Variants in RGMB observed in about 807,000 individuals in gnomAD.
The protein encoded by RGMB is repulsive guidance molecule B.
RGMB carries 16 observed loss-of-function variants against 26.9 expected under a neutral mutation model. That is an observed-to-expected ratio of 0.60 (90% CI 0.40 to 0.90). The LOEUF (loss-of-function observed/expected upper bound fraction) is 0.90. RGMB is among the 40% of genes least tolerant of loss of function. The probability of loss-of-function intolerance (pLI) is 0.00; values close to 1 mark genes in which losing one functional copy is unlikely to be tolerated. For synonymous variants in RGMB, 225 were observed against 229.3 expected (o/e 0.98, Z 0.17); for missense variants, 512 against 573.3 (o/e 0.89, Z 1.09).
At chr5:98,788,882 G>A (rs1383932262) in intron 2 of RGMB, among the ~76,000 whole-genome samples, 7 of 152,212 alleles carry the variant, frequency 4.6e-5, no homozygotes, top group African/African-American at 1.7e-4. Flanking sequence ...ATGTGCTCTT[G>A]TTGGAATGGT....
intron 1 of RGMB, among the ~76,000 whole-genome samples, chr5:98,776,811 G>T (rs1399129517): frequency 1.3e-5 from 2 of 152,240 alleles, no homozygotes; most frequent in African/African-American, 4.8e-5. Context: ...TTTAGGCCGG[G>T]CGCTGTGGCT....
upstream of RGMB, chr5:98,771,104 A>G (rs1413818467): frequency 6.3e-6 from 1 of 159,316 alleles, no homozygotes; most frequent in Non-Finnish European, 1.4e-5. Flanking sequence ...ATGTGTTTTA[A>G]TTCTGTCCAC....
At chr5:98,777,927 A>G (rs1746467770) in intron 1 of RGMB, among the ~76,000 whole-genome samples, 3 of 152,198 alleles carry the variant, frequency 2.0e-5, no homozygotes, top group South Asian at 4.1e-4. Context: ...AGCCTAGACT[A>G]TATAGTATTT....
intron 1 of RGMB, among the ~76,000 whole-genome samples, chr5:98,776,444 A>G (rs1481227491): frequency 2.0e-5 from 3 of 152,074 alleles, no homozygotes; most frequent in Non-Finnish European, 4.4e-5. Context: ...TTACTCATAC[A>G]CTTCATGGCC....
chr5:98,793,693 A>C lies in RGMB; in HGVS notation c.1254A>C (p.Gly418=). The change falls in exon 3 of 3, where the codon GGA becomes GGC. Residue 418 remains glycine (G), a synonymous_variant. Coordinates refer to ENST00000513185, the MANE Select transcript of RGMB (RefSeq NM_001366508.1). ...GCAGTGGCAATGGGACTCCCCGTGG[A>C]GGCAGTGATTTGTCTGTCAGTCTAG... The part of the protein sequence containing the change: ...FPSSGNGTPR[G]GSDLSVSLGL... The C allele has an allele frequency of 6.2e-7, 1 of 1,611,526 alleles. No homozygotes were observed. Among genetic ancestry groups the C allele is most frequent in the Non-Finnish European group, 8.5e-7 (1 of 1,178,790 alleles).
chr5:98,773,790 G>A lies in RGMB; in HGVS notation c.-281G>A, dbSNP rs996929877. ...GCGCTCGGGACTCGTCTCAGCAGTC[G>A]CTCACGGTCTTTGTGTCTTCTCTTC... On this transcript the variant is annotated 5_prime_UTR_variant, in exon 1 of 3. Coordinates refer to ENST00000513185, the MANE Select transcript of RGMB (RefSeq NM_001366508.1). 36 of 420,710 alleles carry A rather than the reference G, an allele frequency of 8.6e-5. No individual in the cohort carries two copies. The highest frequency in any genetic ancestry group is 2.3e-4 in the Admixed American group (5 of 22,066). The allele number at this position is 420,710 out of a possible 1,614,324, so 26.1% of individuals were successfully genotyped here.
intron 1 of RGMB, among the ~76,000 whole-genome samples, chr5:98,777,211 C>T (rs1190507424): frequency 1.3e-5 from 2 of 151,892 alleles, no homozygotes; most frequent in African/African-American, 2.4e-5. Context: ...CCATACTGTT[C>T]GTTTGATATT....
Position 98,796,213 on chromosome 5 carries a change from G to T in RGMB, c.*2460G>T, listed in dbSNP as rs1747115808. 1.3e-5 allele frequency: 2 copies of T among 152,282 alleles called. No individual in the cohort carries two copies. Among genetic ancestry groups the T allele is most frequent in the African/African-American group, 4.8e-5 (2 of 41,566 alleles). The allele number at this position is 152,282 out of a possible 1,614,324, so 9.4% of individuals were successfully genotyped here. ...CATACCAACATGTGGATAGGCTATA[G>T]CTGTTCAGAGGTCTCCTGGGGGAGC... is the stretch of plus-strand genomic sequence containing the variant. On this transcript the variant is annotated 3_prime_UTR_variant, in exon 3 of 3. Transcript: ENST00000513185.
chr5:98,772,892 A>G (rs1746215271), upstream of RGMB: 1 of 152,170 alleles, frequency 6.6e-6, no homozygotes, highest in South Asian at 2.1e-4. Flanking sequence ...TTACACTGTA[A>G]CCGAACGTTG....
chr5:98,793,664 C>T lies in RGMB; in HGVS notation c.1225C>T (p.Pro409Ser), dbSNP rs906291400. 6.2e-7 allele frequency: 1 copy of T among 1,613,884 alleles called. No homozygotes were observed. The highest frequency in any genetic ancestry group is 8.5e-7 in the Non-Finnish European group (1 of 1,179,832). The part of the protein sequence containing the change: ...HPRKERWHIF[P>S]SSGNGTPRGG... ...AAGGAAGGAACGCTGGCACATTTTC[C>T]CCAGCAGTGGCAATGGGACTCCCCG... Residue 409 changes from proline to serine, a missense_variant, in exon 3 of 3, where the codon CCC becomes TCC. Pro to Ser is a moderately conservative substitution (Grantham distance 74). Transcript: ENST00000513185.
intron 2 of RGMB, among the ~76,000 whole-genome samples, chr5:98,784,243 A>G (rs1746701720): frequency 6.6e-6 from 1 of 152,228 alleles, no homozygotes. Context: ...GGCAGCACTC[A>G]TCGCCTGTCC....
At position 98,794,631 on chromosome 5, in the gene RGMB, CTT is replaced by C. The variant is rs2112385875; in HGVS notation, c.*882_*883del. 1 of 152,276 alleles carries C rather than the reference CTT, an allele frequency of 6.6e-6. No individual in the cohort carries two copies. Among genetic ancestry groups the C allele is most frequent in the South Asian group, 2.1e-4 (1 of 4,828 alleles). 9.4% of individuals were successfully genotyped at this position (152,276 alleles called of 1,614,324 possible). A position where few individuals can be genotyped will look rare whatever the true frequency, so the allele number is the denominator to read the frequency against. Reference sequence around the variant, plus strand: ...AATTTAGTAATTATCATGCCTTGCTCTTTTTAATCTATATGACTGATGCAAGC... The same window carrying C: ...AATTTAGTAATTATCATGCCTTGCTCTTTAATCTATATGACTGATGCAAGC... On this transcript the variant is annotated 3_prime_UTR_variant, in exon 3 of 3. Transcript: ENST00000513185.
At chr5:98,781,406 C>T (rs373062878) in intron 2 of RGMB, among the ~76,000 whole-genome samples, 1 of 152,270 alleles carries the variant, frequency 6.6e-6, no homozygotes, top group African/African-American at 2.4e-5. Context: ...AACTTTTCTC[C>T]CTCTGGTTTT....
intron 1 of RGMB, among the ~76,000 whole-genome samples, chr5:98,778,285 TATC>T (rs1274114539): frequency 1.3e-5 from 2 of 152,190 alleles, no homozygotes; most frequent in Non-Finnish European, 2.9e-5. Flanking sequence ...TAAATCTTGA[TATC>T]ATCCTGAAGT....
rs1746271520 is a variant in RGMB, at chr5:98,773,842, G to A, written c.-229G>A. The A allele has an allele frequency of 4.3e-6, 2 of 468,102 alleles. No homozygotes were observed. The highest frequency in any genetic ancestry group is 5.5e-4 in the Middle Eastern group (1 of 1,806). The allele number at this position is 468,102 out of a possible 1,614,324, so 29.0% of individuals were successfully genotyped here. A position where few individuals can be genotyped will look rare whatever the true frequency, so the allele number is the denominator to read the frequency against. ...GCCCCTTTCCCTGCCTGCCGCCTCC[G>A]GCCGCCACGATGCCCCTGCGCCCCG... On this transcript the variant is annotated 5_prime_UTR_variant, in exon 1 of 3. Coordinates refer to ENST00000513185, the MANE Select transcript of RGMB (RefSeq NM_001366508.1).
intron 2 of RGMB, among the ~76,000 whole-genome samples, chr5:98,791,700 C>T (rs1746935780): frequency 6.6e-6 from 1 of 152,130 alleles, no homozygotes; most frequent in African/African-American, 2.4e-5. Flanking sequence ...AGCAATGATA[C>T]AATTCTCAAA....
chr5:98,768,872 C>T (rs1420341439), upstream of RGMB: 8 of 152,296 alleles, frequency 5.3e-5, no homozygotes, highest in African/African-American at 1.7e-4. Context: ...GGTGTGCATT[C>T]TGCGGCTGCC....
chr5:98,779,921 T>TA lies in RGMB; in HGVS notation c.479dup (p.Tyr160Ter), dbSNP rs1211721452. 1 of 1,613,716 alleles carries TA rather than the reference T, an allele frequency of 6.2e-7. No homozygotes were observed. The highest frequency in any genetic ancestry group is 8.5e-7 in the Non-Finnish European group (1 of 1,179,788). The change falls in exon 2 of 3, where the codon TAC becomes TAAC. Residue 160 changes from tyrosine to a stop codon, truncating the protein, a stop_gained and frameshift_variant. Transcript: ENST00000513185. LOFTEE classifies it high-confidence loss of function. The part of the protein sequence containing the change: ...HRRGDQNPPS[Y>*]LFCGLFGDPH... ...GAGAGGGGACCAGAACCCTCCCAGT[T>TA]ACCTTTTTTGTGGCTTGTTTGGAGA...
upstream of RGMB, chr5:98,772,761 G>C (rs1268252842): frequency 1.3e-5 from 2 of 152,168 alleles, no homozygotes; most frequent in Admixed American, 1.3e-4. Flanking sequence ...AGCTGCCATT[G>C]AATTAATCCG....
Sources: gnomAD v4.1 joint callset for allele counts (sites outside exome capture counted in the v4.1 genomes callset) on GRCh38, gnomAD v4.1.1 for gene constraint, MANE v1.5 for transcripts, NCBI Gene and HGNC (gene_info 2026-07-23, HGNC 2026-07-21) for gene names.